Variants in PRH1 observed in about 807,000 individuals in gnomAD.
PRH1 encodes the protein proline rich protein HaeIII subfamily 1.
A neutral mutation model predicts 7.9 loss-of-function variants in PRH1; 7 were observed. The ratio of observed to expected loss-of-function variants is 0.89; its 90% confidence interval spans 0.50 to 1.67. PRH1 has a LOEUF of 1.67. PRH1 is among the 40% of genes most tolerant of loss of function. The pLI, the probability that PRH1 is intolerant of heterozygous loss-of-function variation, is 0.00. For missense variants in PRH1, 109 were observed against 223.6 expected (o/e 0.49, Z 3.27); for synonymous variants, 45 against 80.8 (o/e 0.56, Z 2.38).
intron 1 of PRH1, among the ~76,000 whole-genome samples, chr12:11,143,462 C>A (rs1946765992): frequency 6.6e-6 from 1 of 152,138 alleles, no homozygotes; most frequent in African/African-American, 2.4e-5. Flanking sequence ...GAGCAGACCA[C>A]AACATAACCA....
chr12:10,972,935 C>CCCCCCCCCCCCCCCCCCCCCCCCCCCCA (rs1555119327), intron 2 of PRH1, among the ~76,000 whole-genome samples: 3 of 123,200 alleles, frequency 2.4e-5, no homozygotes, highest in African/African-American at 8.9e-5. Context: ...ACAACCCACC[C>CCCCCCCCCCCCCCCCCCCCCCCCCCCCA]CCCCCGCCCG....
intron 1 of PRH1, among the ~76,000 whole-genome samples, chr12:11,104,379 T>C (rs1256483962): frequency 2.6e-5 from 4 of 151,482 alleles, no homozygotes; most frequent in African/African-American, 9.7e-5. Context: ...GTATTAAAAA[T>C]AAAGTTTTTC....
At chr12:11,054,435 A>G (rs1386412855) in intron 1 of PRH1, among the ~76,000 whole-genome samples, 3 of 152,182 alleles carry the variant, frequency 2.0e-5, no homozygotes, top group African/African-American at 7.2e-5. Flanking sequence ...TACTGTCACA[A>G]AATCTGGGTG....
intron 1 of PRH1, among the ~76,000 whole-genome samples, chr12:11,065,694 T>A (rs1365555421): frequency 7.2e-5 from 11 of 152,194 alleles, no homozygotes; most frequent in Non-Finnish European, 1.5e-4. Flanking sequence ...AAAGTATTTA[T>A]AACACCAACT....
chr12:10,923,583 A>G (rs1950082306), intron 2 of PRH1, among the ~76,000 whole-genome samples: 1 of 152,248 alleles, frequency 6.6e-6, no homozygotes, highest in Admixed American at 6.5e-5. Context: ...AAGAGCATCT[A>G]TCTTTCACAT....
chr12:10,986,343 T>G (rs1021997346), intron 1 of PRH1: 14 of 1,614,026 alleles, frequency 8.7e-6, no homozygotes, highest in South Asian at 2.2e-5. Context: ...ATATGAAAGA[T>G]GTACTGTATT....
chr12:10,999,907 C>A (rs573576795), intron 1 of PRH1, among the ~76,000 whole-genome samples: 28 of 152,152 alleles, frequency 1.8e-4, no homozygotes, highest in Admixed American at 9.2e-4. Flanking sequence ...TGATTCATTT[C>A]TTTTCACCTC....
At chr12:11,051,826 C>CT (rs1467597711), upstream of PRH1, among the ~76,000 whole-genome samples, 4 of 152,012 alleles carry the variant, frequency 2.6e-5, no homozygotes, top group African/African-American at 9.7e-5. Context: ...TGATTCATTT[C>CT]TTTTCACTTC....
chr12:11,006,021 T>C (rs1249709066), intron 1 of PRH1: 1 of 152,112 alleles, frequency 6.6e-6, no homozygotes, highest in Non-Finnish European at 1.5e-5. Flanking sequence ...AGTATTAGTC[T>C]CCAATCTTGT....
chr12:10,995,279 T>G (rs1457616656), intron 1 of PRH1, among the ~76,000 whole-genome samples: 1 of 152,204 alleles, frequency 6.6e-6, no homozygotes, highest in Non-Finnish European at 1.5e-5. Context: ...GTAAGCAAGA[T>G]CTATATGATC....
rs772925942 is a variant in PRH1 at position 11,061,762 on chromosome 12, G to A, written n.124-14574C>T. ...AACTAAGTTTGCTAGGATGGTTACC[G>A]TTGTATTTGAAAGGTACATTGCACT... On this transcript the variant is annotated intron_variant and non_coding_transcript_variant, in intron 1 of 4. Coordinates refer to the PRH1 transcript ENST00000541977. 26 of 1,613,938 alleles carry A rather than the reference G, an allele frequency of 1.6e-5. No individual in the cohort carries two copies. The highest frequency in any genetic ancestry group is 1.6e-4 in the Middle Eastern group (1 of 6,084).
At chr12:10,977,309 C>T (rs745718178) in intron 1 of PRH1, among the ~76,000 whole-genome samples, 6 of 152,052 alleles carry the variant, frequency 3.9e-5, no homozygotes, top group Admixed American at 2.6e-4. Context: ...AACTAATTAA[C>T]GAAAATCGCA....
At chr12:11,081,184 C>G (rs79930614) in intron 1 of PRH1, among the ~76,000 whole-genome samples, 40,912 of 93,070 alleles carry the variant, frequency 0.44, 6,492 homozygotes, top group Non-Finnish European at 0.54. Flanking sequence ...ATTTCCATCT[C>G]TTTCTCTCTG....
downstream of PRH1, among the ~76,000 whole-genome samples, chr12:11,119,609 G>A (rs1945835307): frequency 6.6e-6 from 1 of 152,080 alleles, no homozygotes; most frequent in East Asian, 1.9e-4. Flanking sequence ...TCCCATACCT[G>A]TTTACTGATA....
At chr12:11,134,797 C>G (rs925060620) in intron 1 of PRH1, among the ~76,000 whole-genome samples, 4 of 152,122 alleles carry the variant, frequency 2.6e-5, no homozygotes, top group African/African-American at 9.7e-5. Flanking sequence ...CTGCTTTTAT[C>G]AAAAGCATCT....
At chr12:11,041,288 CAA>C (rs67144212) in intron 1 of PRH1, among the ~76,000 whole-genome samples, 23,962 of 80,916 alleles carry the variant, frequency 0.3, 1,898 homozygotes, top group Non-Finnish European at 0.35. Context: ...CAATGCAAAC[CAA>C]AAAAAAAAAA....
chr12:11,042,623 C>CTTTTTTTTTTT (rs71051557), intron 1 of PRH1, among the ~76,000 whole-genome samples: 4 of 79,320 alleles, frequency 5.0e-5, no homozygotes, highest in African/African-American at 1.6e-4. Context: ...CAGGCTCATT[C>CTTTTTTTTTTT]TTTTTTTTTT....
chr12:11,025,785 GT>G (rs1405922277), intron 1 of PRH1, among the ~76,000 whole-genome samples: 1 of 152,160 alleles, frequency 6.6e-6, no homozygotes, highest in African/African-American at 2.4e-5. Flanking sequence ...CTCTTGTACT[GT>G]ATCCAACTGG....
At chr12:10,936,426 G>A (rs1187364558) in intron 2 of PRH1, among the ~76,000 whole-genome samples, 1 of 152,060 alleles carries the variant, frequency 6.6e-6, no homozygotes, top group African/African-American at 2.4e-5. Flanking sequence ...CATGCAATAA[G>A]TTGTACAGAT....
Sources: gnomAD v4.1 joint callset for allele counts (sites outside exome capture counted in the v4.1 genomes callset) on GRCh38, gnomAD v4.1.1 for gene constraint, MANE v1.5 for transcripts, NCBI Gene and HGNC (gene_info 2026-07-23, HGNC 2026-07-21) for gene names.